PPME1: variants seen among roughly 807,000 people sequenced by gnomAD.
PPME1 encodes protein phosphatase methylesterase 1, also known as testicular secretory protein Li 39.
A neutral mutation model predicts 56.9 loss-of-function variants in PPME1; 17 were observed. The observed-to-expected ratio is 0.30, with a 90% CI of 0.20 to 0.45. PPME1 has a LOEUF of 0.45. Ranked by LOEUF, PPME1 falls within the 20% of genes least tolerant of loss-of-function variation. The pLI is 1.00. For missense variants in PPME1, 357 were observed against 483.2 expected (o/e 0.74, Z 2.45); for synonymous variants, 122 against 156.2 (o/e 0.78, Z 1.63).
At chr11:74,247,320 TA>T (rs147219991) in intron 11 of PPME1, among the ~76,000 whole-genome samples, 197 bp downstream of exon 11, 4 of 151,286 alleles carry the variant, frequency 2.6e-5, no homozygotes, top group African/African-American at 4.9e-5. Flanking sequence ...TTAATTTGTT[TA>T]AAAAAAAATC....
At chr11:74,207,328 G>T (rs1433094567) in intron 3 of PPME1, among the ~76,000 whole-genome samples, 2 of 152,098 alleles carry the variant, frequency 1.3e-5, no homozygotes, top group Non-Finnish European at 2.9e-5. Flanking sequence ...TTTGTGGTTT[G>T]GGAGGGAAAA....
chr11:74,238,087 C>T (rs1284552741), intron 8 of PPME1: 1 of 151,928 alleles, frequency 6.6e-6, no homozygotes, highest in African/African-American at 2.4e-5. Flanking sequence ...ACTTTCCTGC[C>T]CCTTATAATC....
chr11:74,207,702 TAGCTGCTGTGGG>T (rs1858362501), intron 3 of PPME1, among the ~76,000 whole-genome samples: 1 of 152,194 alleles, frequency 6.6e-6, no homozygotes, highest in South Asian at 2.1e-4. Flanking sequence ...ACAGACCACC[TAGCTGCTGTGGG>T]AGAATCCAGA....
intron 13 of PPME1, chr11:74,252,577 T>C: frequency 2.2e-6 from 1 of 453,866 alleles, no homozygotes; most frequent in Non-Finnish European, 4.4e-6. Context: ...CAACCTCAGC[T>C]TTATTGACAT....
At chr11:74,210,884 A>T (rs1282408291) in intron 3 of PPME1, among the ~76,000 whole-genome samples, 3 of 152,230 alleles carry the variant, frequency 2.0e-5, no homozygotes, top group East Asian at 1.9e-4. Flanking sequence ...GTTATACTGG[A>T]GTTTCTAGTC....
rs536760725 is a variant in PPME1 at position 74,195,146 on chromosome 11, C to T, written c.102-8582C>T. ...AAAAGTAAAGTATATATGTACAGTT[C>T]AAAGAATAATAAATTCTCATGTGTC... On this transcript the variant is annotated intron_variant, in intron 1 of 13. Transcript: ENST00000328257. 9.9e-5 allele frequency among the ~76,000 whole-genome samples: 15 copies of T among 152,220 alleles called. No individual in the cohort carries two copies. In the South Asian group the frequency reaches 3.1e-3, roughly 32 times the overall value.
intron 12 of PPME1, 47 bp from the exon 13 acceptor site, chr11:74,251,601 C>T (rs774962989): frequency 1.9e-6 from 3 of 1,601,176 alleles, no homozygotes; most frequent in Non-Finnish European, 2.6e-6. Context: ...AAGGCTAAGC[C>T]CCATCACTAA....
chr11:74,203,273 A>G (rs1168102040), intron 1 of PPME1, among the ~76,000 whole-genome samples: 2 of 152,134 alleles, frequency 1.3e-5, no homozygotes, highest in Non-Finnish European at 2.9e-5. Context: ...ATGAAAGAGT[A>G]TGGAGAATTA....
intron 1 of PPME1, among the ~76,000 whole-genome samples, chr11:74,182,366 T>C (rs1294135894): frequency 7.6e-5 from 11 of 145,422 alleles, no homozygotes. Context: ...TGATAATGTC[T>C]TTTTTTTTTT....
chr11:74,237,072 C>T (rs745526769), intron 8 of PPME1, among the ~76,000 whole-genome samples: 1 of 149,410 alleles, frequency 6.7e-6, no homozygotes, highest in African/African-American at 2.4e-5. Context: ...CTTGAGGAAA[C>T]CTTGTTTGCC....
intron 3 of PPME1, among the ~76,000 whole-genome samples, chr11:74,210,293 C>G (rs889036882): frequency 6.6e-6 from 1 of 152,172 alleles, no homozygotes; most frequent in Non-Finnish European, 1.5e-5. Flanking sequence ...ATGTTGAAAA[C>G]TCTTGGCCAC....
chr11:74,180,129 C>G (rs948745025), intron 1 of PPME1, among the ~76,000 whole-genome samples: 67 of 152,274 alleles, frequency 4.4e-4, no homozygotes, highest in African/African-American at 1.6e-3. Context: ...TCCTCCTTCC[C>G]TTTCTCCCCT....
At chr11:74,190,939 A>C (rs149288628) in intron 1 of PPME1, among the ~76,000 whole-genome samples, 14 of 152,306 alleles carry the variant, frequency 9.2e-5, no homozygotes, top group Admixed American at 5.9e-4. Context: ...GGAACCTGTA[A>C]AAAGTTGAAC....
chr11:74,218,818 T>A (rs909854751), intron 3 of PPME1, among the ~76,000 whole-genome samples: 6 of 152,054 alleles, frequency 3.9e-5, no homozygotes, highest in African/African-American at 9.7e-5. Context: ...TCCAGGACAT[T>A]GGACTGTGGA....
intron 8 of PPME1, 28 bp from the exon 9 acceptor site, chr11:74,239,105 G>A (rs1565394342): frequency 1.2e-6 from 2 of 1,604,018 alleles, no homozygotes; most frequent in Non-Finnish European, 1.7e-6. Flanking sequence ...AAAGAGGTGT[G>A]TAATAGCACT....
chr11:74,253,845 T>C lies in PPME1; in HGVS notation c.*335T>C. ...AGCCCCTCTTCCTAGCATCAGGCGA[T>C]ACATCTGAGTTCAAATGTCTTCCCA... On this transcript the variant is annotated 3_prime_UTR_variant, in exon 14 of 14. Transcript: ENST00000328257. 1 of 452,422 alleles carries C rather than the reference T, an allele frequency of 2.2e-6. No individual in the cohort carries two copies. Among genetic ancestry groups the C allele is most frequent in the Non-Finnish European group, 3.9e-6 (1 of 253,534 alleles). 28.0% of individuals were successfully genotyped at this position (452,422 alleles called of 1,614,324 possible).
Position 74,225,706 on chromosome 11 carries a change from C to G in PPME1, c.398+450C>G, listed in dbSNP as rs79496052. 3.5e-3 allele frequency among the ~76,000 whole-genome samples: 535 copies of G among 152,260 alleles called. 4 individuals are homozygous for G. Among genetic ancestry groups the G allele is most frequent in the African/African-American group, 0.012 (507 of 41,554 alleles). ...GATATTAAAAAATGACAGTTACACC[C>G]TGGGCCTAAAGTAAAAAATGAATGT... On this transcript the variant is annotated intron_variant, in intron 5 of 13. Coordinates refer to ENST00000328257, the MANE Select transcript of PPME1 (RefSeq NM_016147.3).
In PPME1 at chr11:74,176,389, G is replaced by C. The variant is rs116858223; in HGVS notation, c.101+4867G>C. Among the ~76,000 whole-genome samples, 818 of 151,882 alleles carry C rather than the reference G, an allele frequency of 5.4e-3. 1 individual carries two copies. The highest frequency in any genetic ancestry group is 8.8e-3 in the Non-Finnish European group (596 of 67,958). On this transcript the variant is annotated intron_variant, in intron 1 of 13. Coordinates refer to ENST00000328257, the MANE Select transcript of PPME1 (RefSeq NM_016147.3). ...GGGCAAAGTGAAGTGATTTGCTCAA[G>C]GTCACAAATTGAGTTACTAAAATAA... is the stretch of plus-strand genomic sequence containing the variant.
chr11:74,194,368 A>G (rs542532948), intron 1 of PPME1, among the ~76,000 whole-genome samples: 9 of 124,704 alleles, frequency 7.2e-5, no homozygotes, highest in Non-Finnish European at 1.2e-4. Context: ...TTCTGTGTGC[A>G]TCGCAAAACT....
Sources: gnomAD v4.1 joint callset for allele counts (sites outside exome capture counted in the v4.1 genomes callset) on GRCh38, gnomAD v4.1.1 for gene constraint, MANE v1.5 for transcripts, NCBI Gene and HGNC (gene_info 2026-07-23, HGNC 2026-07-21) for gene names.